The following ZNF618 variants were observed in gnomAD, a reference collection of about 807,000 sequenced individuals.
The protein encoded by ZNF618 is zinc finger protein 618, also known as neural precursor cell expressed, developmentally down-regulated 10.
In ZNF618, 34 loss-of-function variants were observed where a neutral mutation model predicts 103.0. The ratio of observed to expected loss-of-function variants is 0.33; its 90% confidence interval spans 0.25 to 0.44. The LOEUF is 0.44. Among genes scored for constraint, ZNF618 ranks in the 20% least tolerant of loss-of-function variants. The probability of loss-of-function intolerance (pLI) is 1.00; values close to 1 mark genes in which losing one functional copy is unlikely to be tolerated. For synonymous variants in ZNF618, 551 were observed against 542.2 expected, an observed-to-expected ratio of 1.02 and a Z score of -0.23; for missense variants, 1,059 against 1,295.4, an observed-to-expected ratio of 0.82 and a Z score of 2.80.
intron 9 of ZNF618, among the ~76,000 whole-genome samples, chr9:114,011,529 G>GCTGC (rs1328604007): frequency 6.6e-6 from 1 of 152,230 alleles, no homozygotes; most frequent in Non-Finnish European, 1.5e-5. Context: ...ACCATCCCTT[G>GCTGC]CTGCCACTCA....
At chr9:113,986,788 C>CT (rs1839527598) in intron 2 of ZNF618, among the ~76,000 whole-genome samples, 1 of 152,220 alleles carries the variant, frequency 6.6e-6, no homozygotes, top group Non-Finnish European at 1.5e-5. Flanking sequence ...TAGCTGGGGG[C>CT]TCCCCTCTCT....
chr9:113,902,127 A>G (rs1383979957), intron 1 of ZNF618, among the ~76,000 whole-genome samples: 1 of 152,066 alleles, frequency 6.6e-6, no homozygotes, highest in Non-Finnish European at 1.5e-5. Context: ...TGGAGAGTGC[A>G]GACACCGGAG....
chr9:114,029,378 A>C (rs1048922753), intron 11 of ZNF618, among the ~76,000 whole-genome samples: 1 of 152,174 alleles, frequency 6.6e-6, no homozygotes, highest in Non-Finnish European at 1.5e-5. Flanking sequence ...GAAAAGTCAA[A>C]CCTGGCAGTC....
intron 6 of ZNF618, among the ~76,000 whole-genome samples, chr9:114,005,596 TA>T (rs1218596669): frequency 6.6e-6 from 1 of 152,092 alleles, no homozygotes. Context: ...GTGGTCAGCT[TA>T]GGAGAGGAAT....
intron 1 of ZNF618, among the ~76,000 whole-genome samples, chr9:113,890,965 CTTTACA>C: frequency 6.6e-6 from 1 of 152,104 alleles, no homozygotes; most frequent in East Asian, 1.9e-4. Context: ...TTGTCTTTTC[CTTTACA>C]TTTTTAAAGA....
intron 1 of ZNF618, among the ~76,000 whole-genome samples, chr9:113,952,733 C>T (rs1337584068): frequency 6.6e-6 from 1 of 152,218 alleles, no homozygotes; most frequent in Non-Finnish European, 1.5e-5. Context: ...AGGAAAGTGA[C>T]AGTAGTATGT....
intron 3 of ZNF618, among the ~76,000 whole-genome samples, chr9:113,993,871 T>C (rs1840305250): frequency 1.6e-5 from 2 of 128,398 alleles, no homozygotes; most frequent in African/African-American, 5.6e-5. Flanking sequence ...TCCTAGCCAA[T>C]ACGGAGAAGT....
intron 2 of ZNF618, among the ~76,000 whole-genome samples, chr9:113,985,003 A>T (rs1044512396): frequency 6.6e-6 from 1 of 152,172 alleles, no homozygotes; most frequent in Non-Finnish European, 1.5e-5. Flanking sequence ...ATAAACTTGC[A>T]TCTTCTGCAC....
chr9:113,926,352 GT>G (rs1833096084), intron 1 of ZNF618, among the ~76,000 whole-genome samples: 1 of 151,826 alleles, frequency 6.6e-6, no homozygotes, highest in Non-Finnish European at 1.5e-5. Flanking sequence ...CTGGGATACA[GT>G]TTTTTTGGTT....
At chr9:113,987,646 C>T (rs1188449485) in intron 2 of ZNF618, among the ~76,000 whole-genome samples, 3 of 152,204 alleles carry the variant, frequency 2.0e-5, no homozygotes, top group South Asian at 2.1e-4. Context: ...CCGCCCAAAG[C>T]GTAGTTTGAG....
At chr9:114,021,325 G>A (rs962669859) in intron 10 of ZNF618, among the ~76,000 whole-genome samples, 3 of 151,972 alleles carry the variant, frequency 2.0e-5, no homozygotes, top group Admixed American at 6.6e-5. Context: ...TCTTGCTTAG[G>A]CATCTAAATT....
At chr9:113,889,355 C>T (rs930600444) in intron 1 of ZNF618, among the ~76,000 whole-genome samples, 11 of 148,408 alleles carry the variant, frequency 7.4e-5, no homozygotes, top group South Asian at 2.1e-4. Context: ...CTTTCTCTCC[C>T]TCCCTCTCCA....
chr9:114,028,955 C>A lies in ZNF618; in HGVS notation c.1067C>A (p.Ala356Glu). 6.4e-7 allele frequency: 1 copy of A among 1,550,542 alleles called. No homozygotes were observed. The highest frequency in any genetic ancestry group is 8.7e-7 in the Non-Finnish European group (1 of 1,146,968). Residue 356 changes from alanine to glutamate, a missense_variant, in exon 11 of 15, where the codon GCG (alanine) becomes GAG (glutamate). Ala to Glu is a moderately radical substitution (Grantham distance 107). Transcript: ENST00000374126. ...TFRTPNSGSPASKATAAESAF... is the reference protein window; with the variant it reads ...TFRTPNSGSPESKATAAESAF... ...CGCACTCCAAATTCGGGATCTCCGG[C>A]GAGCAAGGCAACCGCAGGTACCAAT...
chr9:113,899,982 T>C (rs1290305310), intron 1 of ZNF618, among the ~76,000 whole-genome samples: 19 of 152,294 alleles, frequency 1.2e-4, no homozygotes, highest in Admixed American at 1.2e-3. Flanking sequence ...TTTTTTTTGG[T>C]ATGTACCTAG....
At chr9:114,027,020 C>G (rs1843560254) in intron 10 of ZNF618, among the ~76,000 whole-genome samples, 1 of 152,172 alleles carries the variant, frequency 6.6e-6, no homozygotes, top group African/African-American at 2.4e-5. Context: ...TCCCCAAACT[C>G]TGCCTCACAC....
chr9:114,033,005 A>T (rs1173749634), intron 12 of ZNF618, among the ~76,000 whole-genome samples: 1 of 152,194 alleles, frequency 6.6e-6, no homozygotes, highest in African/African-American at 2.4e-5. Flanking sequence ...AGCCTGCGGC[A>T]TCAACTCAGC....
intron 2 of ZNF618, among the ~76,000 whole-genome samples, chr9:113,985,803 A>G (rs960195250): frequency 2.6e-5 from 4 of 152,182 alleles, no homozygotes; most frequent in Admixed American, 6.5e-5. Flanking sequence ...TTCACCTCTC[A>G]GTGCCACAGT....
At position 113,973,565 on chromosome 9, in the gene ZNF618, A is replaced by G. The variant is rs10982022; in HGVS notation, c.77+4405A>G. Among the ~76,000 whole-genome samples the G allele has an allele frequency of 5.0e-3, 769 of 152,278 alleles. 24 individuals carry two copies. The East Asian group carries it at 0.097, about 19-fold the overall frequency. On this transcript the variant is annotated intron_variant, in intron 2 of 14. Coordinates refer to ENST00000374126, the MANE Select transcript of ZNF618 (RefSeq NM_001318042.2). ...GTAACCCAAACTGGGTCGATTTTAC[A>G]AGACCAGTGATCCCAGCACTTGAGG...
intron 11 of ZNF618, among the ~76,000 whole-genome samples, chr9:114,031,822 C>T (rs1041806848): frequency 4.0e-5 from 6 of 151,858 alleles, no homozygotes; most frequent in African/African-American, 9.7e-5. Context: ...TCTCTGGGAT[C>T]GTCCGGCATC....
Sources: allele counts gnomAD v4.1 joint callset (sites outside exome capture counted in the v4.1 genomes callset), GRCh38; gene constraint gnomAD v4.1.1; transcripts MANE v1.5; gene names NCBI Gene and HGNC (gene_info 2026-07-23, HGNC 2026-07-21).